ERC2: variants seen among roughly 807,000 people sequenced by gnomAD.
The protein encoded by ERC2 is ELKS/RAB6-interacting/CAST family member 2, also known as ERC protein 2.
ERC2 carries 42 observed loss-of-function variants against 114.8 expected under a neutral mutation model. That is an observed-to-expected ratio of 0.37 (90% CI 0.29 to 0.47). ERC2 has a LOEUF of 0.47. Among genes scored for constraint, ERC2 ranks in the 20% least tolerant of loss-of-function variants. ERC2 has a pLI of 0.99. For synonymous variants in ERC2, 454 were observed against 425.5 expected (o/e 1.07, Z -0.82); for missense variants, 939 against 1,150.7 (o/e 0.82, Z 2.66).
chr3:56,280,870 T>C (rs2054295103), intron 3 of ERC2, among the ~76,000 whole-genome samples: 1 of 152,222 alleles, frequency 6.6e-6, no homozygotes, highest in African/African-American at 2.4e-5. Context: ...ACAAATTCTC[T>C]GTGCCTCAGT....
chr3:56,388,241 A>G (rs2060004178), intron 2 of ERC2, among the ~76,000 whole-genome samples: 4 of 152,166 alleles, frequency 2.6e-5, no homozygotes. Flanking sequence ...TGCTTGGATC[A>G]TGGGGACAGA....
intron 2 of ERC2, among the ~76,000 whole-genome samples, chr3:56,315,056 A>T (rs2056798699): frequency 6.6e-6 from 1 of 152,192 alleles, no homozygotes; most frequent in Non-Finnish European, 1.5e-5. Context: ...ACCACATGCC[A>T]CTGATGGGAC....
At position 55,897,693 on chromosome 3, in the gene ERC2, T is replaced by C. The variant is rs1431196555; in HGVS notation, c.2404-9144A>G. 2.0e-5 allele frequency among the ~76,000 whole-genome samples: 3 copies of C among 152,226 alleles called. No homozygotes were observed. In the East Asian group the frequency reaches 5.8e-4, roughly 29 times the overall value. On this transcript the variant is annotated intron_variant, in intron 13 of 17. Coordinates refer to ENST00000288221, the MANE Select transcript of ERC2 (RefSeq NM_015576.3). ...GCAGCAGCAACTCCTCCGACAGTGA[T>C]GCTGGAGGCTGAAGGACCTGTTAAA...
intron 12 of ERC2, among the ~76,000 whole-genome samples, chr3:55,959,520 G>C (rs1179059562): frequency 6.6e-6 from 1 of 152,178 alleles, no homozygotes; most frequent in Non-Finnish European, 1.5e-5. Context: ...CAAGGAAAAA[G>C]GCAAGCCAGC....
chr3:56,410,067 C>G (rs1041102226), intron 2 of ERC2, among the ~76,000 whole-genome samples: 22 of 152,296 alleles, frequency 1.4e-4, no homozygotes, highest in African/African-American at 5.3e-4. Context: ...CCCAGTTGGC[C>G]TGGGTGAGGC....
intron 3 of ERC2, among the ~76,000 whole-genome samples, chr3:56,274,484 G>C (rs1429349004): frequency 6.7e-6 from 1 of 148,394 alleles, no homozygotes; most frequent in Non-Finnish European, 1.5e-5. Context: ...CAAATCCAGG[G>C]AAACCTGTAT....
At chr3:56,308,644 C>G (rs2056368307) in intron 2 of ERC2, among the ~76,000 whole-genome samples, 2 of 152,176 alleles carry the variant, frequency 1.3e-5, no homozygotes, top group South Asian at 4.1e-4. Context: ...GTTTGAAAAA[C>G]TGTGTGACCT....
chr3:55,713,118 CTCTCTCTCTG>C (rs1241561136), intron 15 of ERC2, among the ~76,000 whole-genome samples: 9 of 114,962 alleles, frequency 7.8e-5, no homozygotes, highest in African/African-American at 3.6e-4. Context: ...CTCTCTCTCT[CTCTCTCTCTG>C]TCTCACACAC....
rs1323529040 is a variant in ERC2 at position 56,087,465 on chromosome 3, C to T, written c.1474-6481G>A. Reference sequence around the variant, plus strand: ...TACATAAGACACTCGACCTTTCTGCCGTATTTTATGTGCGCCTTCAGAAAC... The same window carrying T: ...TACATAAGACACTCGACCTTTCTGCTGTATTTTATGTGCGCCTTCAGAAAC... On this transcript the variant is annotated intron_variant, in intron 6 of 17. Transcript: ENST00000288221. 2.0e-5 allele frequency among the ~76,000 whole-genome samples: 3 copies of T among 152,094 alleles called. No individual in the cohort carries two copies. The East Asian group carries it at 5.8e-4, about 29-fold the overall frequency.
chr3:56,140,853 C>T (rs553798140), intron 5 of ERC2, among the ~76,000 whole-genome samples: 2 of 151,904 alleles, frequency 1.3e-5, no homozygotes, highest in Non-Finnish European at 2.9e-5. Flanking sequence ...GTGAAACCCC[C>T]TCTCCACTAA....
chr3:56,122,177 A>G (rs1397415656), intron 6 of ERC2, among the ~76,000 whole-genome samples: 1 of 152,260 alleles, frequency 6.6e-6, no homozygotes, highest in African/African-American at 2.4e-5. Flanking sequence ...AGCCATTGAC[A>G]GGGAGGCAGG....
At chr3:55,895,939 G>T (rs889189108) in intron 13 of ERC2, among the ~76,000 whole-genome samples, 1 of 152,200 alleles carries the variant, frequency 6.6e-6, no homozygotes, top group African/African-American at 2.4e-5. Flanking sequence ...GCTCCTGAAA[G>T]GATGGAGGCC....
rs149524278 is a variant in ERC2, at chr3:55,527,403, G to T, written c.*40-16127C>A. Among the ~76,000 whole-genome samples, 4 of 152,310 alleles carry T rather than the reference G, an allele frequency of 2.6e-5. No individual in the cohort carries two copies. The East Asian group carries it at 7.7e-4, about 29-fold the overall frequency. ...TGTGGAGTTGTATGCCAGTGTAAAA[G>T]AAGTGTTCATATTTGCCAGCTCTAG... On this transcript the variant is annotated intron_variant, in intron 17 of 17. Transcript: ENST00000288221.
intron 3 of ERC2, among the ~76,000 whole-genome samples, chr3:56,231,979 T>C (rs1258969883): frequency 6.6e-6 from 1 of 152,038 alleles, no homozygotes; most frequent in African/African-American, 2.4e-5. Context: ...GTTTTTTTTT[T>C]TTCTTTTTTG....
chr3:55,703,666 T>C (rs1229575010), intron 15 of ERC2, among the ~76,000 whole-genome samples: 1 of 152,222 alleles, frequency 6.6e-6, no homozygotes, highest in African/African-American at 2.4e-5. Context: ...AGTAAAAGTG[T>C]GTCAAAGTAT....
intron 3 of ERC2, among the ~76,000 whole-genome samples, chr3:56,223,409 C>A (rs187423383): frequency 6.8e-6 from 1 of 148,040 alleles, no homozygotes; most frequent in African/African-American, 2.5e-5. Flanking sequence ...CAAGATGGCA[C>A]ATAAATTGAA....
intron 17 of ERC2, among the ~76,000 whole-genome samples, chr3:55,523,466 T>G (rs2053098680): frequency 6.6e-6 from 1 of 152,202 alleles, no homozygotes; most frequent in South Asian, 2.1e-4. Flanking sequence ...TACCTTCTGC[T>G]TATCCTTGGA....
At chr3:55,652,626 C>T (rs1399612950) in intron 17 of ERC2, among the ~76,000 whole-genome samples, 1 of 152,110 alleles carries the variant, frequency 6.6e-6, no homozygotes, top group African/African-American at 2.4e-5. Context: ...GTAATCCCAG[C>T]ACTTTGGGAG....
chr3:56,272,761 G>A (rs1013652012), intron 3 of ERC2, among the ~76,000 whole-genome samples: 1 of 152,116 alleles, frequency 6.6e-6, no homozygotes, highest in East Asian at 1.9e-4. Context: ...CAGAGATTTT[G>A]TCTCAATAAT....
Sources: gnomAD v4.1 joint callset for allele counts (sites outside exome capture counted in the v4.1 genomes callset) on GRCh38, gnomAD v4.1.1 for gene constraint, MANE v1.5 for transcripts, NCBI Gene and HGNC (gene_info 2026-07-23, HGNC 2026-07-21) for gene names.